The following RLIG1 variants were observed in gnomAD, a reference collection of about 807,000 sequenced individuals.
RLIG1 encodes RNA ligase 1.
the RLIG1 span, chr12:88,049,269 A>C: frequency 1.2e-6 from 2 of 1,609,962 alleles, no homozygotes; most frequent in South Asian, 1.1e-5. Flanking sequence ...TTCAACTCCC[A>C]ATTGTTCTGA....
the RLIG1 span, chr12:88,050,082 C>T: frequency 3.9e-6 from 1 of 254,280 alleles, no homozygotes; most frequent in African/African-American, 2.3e-5. Flanking sequence ...ACACTGTTGC[C>T]AATGTGACCC....
chr12:88,038,206 G>A, the RLIG1 span, among the ~76,000 whole-genome samples: 1 of 152,084 alleles, frequency 6.6e-6, no homozygotes, highest in Non-Finnish European at 1.5e-5. Flanking sequence ...TGGCATAGTG[G>A]GCCAGCTTGT....
At chr12:88,040,124 G>T in the RLIG1 span, 2 of 1,393,264 alleles carry the variant, frequency 1.4e-6, no homozygotes, top group South Asian at 1.2e-5. Flanking sequence ...TCTTAAACCG[G>T]TTTTCTCTCT....
the RLIG1 span, chr12:88,044,388 A>G: frequency 6.6e-6 from 1 of 152,222 alleles, no homozygotes; most frequent in Non-Finnish European, 1.5e-5. Flanking sequence ...GGGATGGGAA[A>G]ATTTTGCGAA....
the RLIG1 span, among the ~76,000 whole-genome samples, chr12:88,037,320 T>C: frequency 6.6e-6 from 1 of 152,216 alleles, no homozygotes; most frequent in Non-Finnish European, 1.5e-5. Context: ...ATTCACTATT[T>C]TAATACACGT....
the RLIG1 span, chr12:88,045,601 AAAC>A: frequency 1.2e-6 from 2 of 1,611,602 alleles, no homozygotes; most frequent in African/African-American, 1.3e-5. Flanking sequence ...CAGTAGAGAA[AAAC>A]AACAAACAGT....
the RLIG1 span, chr12:88,035,578 G>A: frequency 3.9e-4 from 580 of 1,488,230 alleles, no homozygotes; most frequent in Non-Finnish European, 5.1e-4. Flanking sequence ...ACTGCTTCAG[G>A]GCTTCTCCGC....
the RLIG1 span, chr12:88,042,942 C>A: frequency 6.9e-7 from 1 of 1,442,622 alleles, no homozygotes; most frequent in Non-Finnish European, 9.4e-7. Context: ...TTTAACTTTT[C>A]ATGTTTAAAT....
the RLIG1 span, among the ~76,000 whole-genome samples, chr12:88,039,642 T>C: frequency 1.3e-5 from 2 of 152,140 alleles, no homozygotes; most frequent in African/African-American, 4.8e-5. Flanking sequence ...TTCCACCGTA[T>C]CCAAAATAGC....
At chr12:88,049,263 A>G in the RLIG1 span, 1 of 1,609,894 alleles carries the variant, frequency 6.2e-7, no homozygotes, top group Non-Finnish European at 8.5e-7. Context: ...AGTTAATTCA[A>G]CTCCCAATTG....
the RLIG1 span, among the ~76,000 whole-genome samples, chr12:88,040,479 C>G: frequency 6.6e-6 from 1 of 152,004 alleles, no homozygotes; most frequent in Admixed American, 6.6e-5. Context: ...TACTTAATAC[C>G]CTTAAGGGCT....
chr12:88,043,506 G>A, the RLIG1 span: 1 of 699,166 alleles, frequency 1.4e-6, no homozygotes, highest in African/African-American at 1.8e-5. Flanking sequence ...GATATTATGA[G>A]GTTTTAGTAG....
At chr12:88,047,369 T>G in the RLIG1 span, among the ~76,000 whole-genome samples, 5,416 of 152,200 alleles carry the variant, frequency 0.036, 149 homozygotes, top group African/African-American at 0.077. Flanking sequence ...TCTTATACTT[T>G]GTTCCCTTTC....
chr12:88,041,843 A>AT, the RLIG1 span: 3 of 152,126 alleles, frequency 2.0e-5, no homozygotes, highest in South Asian at 6.2e-4. Context: ...ACTGTAAAAG[A>AT]TTTTTTAGAC....
the RLIG1 span, chr12:88,043,636 T>A: frequency 1.2e-6 from 2 of 1,612,780 alleles, no homozygotes; most frequent in East Asian, 4.5e-5. Context: ...TCAAACCAGC[T>A]CCGGAGTGCT....
chr12:88,046,424 A>T, the RLIG1 span, among the ~76,000 whole-genome samples: 2 of 152,174 alleles, frequency 1.3e-5, no homozygotes, highest in African/African-American at 4.8e-5. Flanking sequence ...CACTGGTACC[A>T]AAGGTTGGTA....
the RLIG1 span, chr12:88,035,806 G>T: frequency 3.9e-6 from 6 of 1,548,640 alleles, no homozygotes; most frequent in South Asian, 1.2e-5. Flanking sequence ...GGCTCAGTGC[G>T]AACCCGGCGA....
the RLIG1 span, chr12:88,040,103 G>A: frequency 9.7e-7 from 1 of 1,029,240 alleles, no homozygotes; most frequent in Non-Finnish European, 1.5e-6. Context: ...CAAAGACATA[G>A]AGGCTATCTA....
the RLIG1 span, chr12:88,048,261 T>G: frequency 6.3e-7 from 1 of 1,587,654 alleles, no homozygotes; most frequent in African/African-American, 1.4e-5. Context: ...TGGCTTATGC[T>G]GGCCAATTCC....
Sources: allele counts gnomAD v4.1 joint callset (sites outside exome capture counted in the v4.1 genomes callset), GRCh38; gene constraint gnomAD v4.1.1; transcripts MANE v1.5; gene names NCBI Gene and HGNC (gene_info 2026-07-23, HGNC 2026-07-21).